MAP4: variants seen among roughly 807,000 people sequenced by gnomAD.
MAP4 encodes microtubule-associated protein 4.
Under a neutral mutation model 170.2 loss-of-function variants are expected in MAP4, and 76 were observed. The ratio of observed to expected loss-of-function variants is 0.45; its 90% confidence interval spans 0.37 to 0.54. The LOEUF (loss-of-function observed/expected upper bound fraction) is 0.54. Among genes scored for constraint, MAP4 ranks in the 20% least tolerant of loss-of-function variants. The pLI, the probability that MAP4 is intolerant of heterozygous loss-of-function variation, is 0.00. For synonymous variants in MAP4, 909 were observed against 994.5 expected, an observed-to-expected ratio of 0.91 and a Z score of 1.62; for missense variants, 2,506 against 2,748.0, an observed-to-expected ratio of 0.91 and a Z score of 1.97.
intron 4 of MAP4, among the ~76,000 whole-genome samples, chr3:47,924,816 A>ATT (rs11449304): frequency 0.01 from 1,523 of 148,632 alleles, 13 homozygotes; most frequent in Non-Finnish European, 0.014. Context: ...AAGCTACGAT[A>ATT]TTTTTTTTTT....
chr3:47,858,617 G>GCA (rs2060473692), intron 17 of MAP4, among the ~76,000 whole-genome samples: 2 of 133,268 alleles, frequency 1.5e-5, no homozygotes, highest in African/African-American at 6.5e-5. Context: ...GTGTGTGTGC[G>GCA]CGTTGTGTGT....
rs572901881 is a variant in MAP4 at position 47,947,815 on chromosome 3, A to G, written c.293-19465T>C. ...GACAGAGAGAGTCTCAAAAAAAAAAAAAAAGAAAAGAAAAAAGAAAAAAAG... is the reference window on the plus strand; with the variant it reads ...GACAGAGAGAGTCTCAAAAAAAAAAGAAAAGAAAAGAAAAAAGAAAAAAAG... On this transcript the variant is annotated intron_variant, in intron 3 of 20. Transcript: ENST00000683076. 1.8e-3 allele frequency among the ~76,000 whole-genome samples: 270 copies of G among 151,776 alleles called. 3 individuals are homozygous for G. The highest frequency in any genetic ancestry group is 6.1e-3 in the African/African-American group (253 of 41,480).
intron 8 of MAP4, among the ~76,000 whole-genome samples, chr3:47,914,527 G>T (rs748894226): frequency 1.3e-5 from 2 of 150,410 alleles, no homozygotes; most frequent in Non-Finnish European, 3.0e-5. Context: ...GCCAGCCTGG[G>T]CGACAGAGTG....
At chr3:47,887,507 T>C (rs2097796371) in intron 10 of MAP4, among the ~76,000 whole-genome samples, 1 of 152,198 alleles carries the variant, frequency 6.6e-6, no homozygotes, top group African/African-American at 2.4e-5. Flanking sequence ...TGGGCTCCTG[T>C]GCCGCCCGAG....
chr3:47,857,207 T>A (rs2058011654), intron 18 of MAP4, among the ~76,000 whole-genome samples: 1 of 152,224 alleles, frequency 6.6e-6, no homozygotes, highest in African/African-American at 2.4e-5. Context: ...CTCAAGAGAA[T>A]GCCTGTGCAG....
Position 47,854,720 on chromosome 3 carries a change from A to AGCCCTGCAGAGGGAGGCCCCAGGCAG in MAP4, c.6696+502_6696+527dup, listed in dbSNP as rs3836258. On this transcript the variant is annotated intron_variant, in intron 19 of 20. Transcript: ENST00000683076. ...CTCTGCCACTTGAGCTCTGTCCCAG[A>AGCCCTGCAGAGGGAGGCCCCAGGCAG]GCCCTGCAGAGGGAGGCCCCAGGCA... Among the ~76,000 whole-genome samples, 744 of 149,466 alleles carry AGCCCTGCAGAGGGAGGCCCCAGGCAG rather than the reference A, an allele frequency of 5.0e-3. 5 individuals carry two copies. The highest frequency in any genetic ancestry group is 0.015 in the African/African-American group (596 of 40,022).
At chr3:48,023,792 A>C (rs941787025) in intron 1 of MAP4, among the ~76,000 whole-genome samples, 1 of 152,232 alleles carries the variant, frequency 6.6e-6, no homozygotes, top group African/African-American at 2.4e-5. Context: ...ACAATATAAA[A>C]GACAAACTTA....
At chr3:48,033,623 G>A (rs762310117) in intron 1 of MAP4, among the ~76,000 whole-genome samples, 1 of 151,392 alleles carries the variant, frequency 6.6e-6, no homozygotes, top group South Asian at 2.1e-4. Flanking sequence ...TTTTTGAAAC[G>A]GGAGTCTCGC....
At chr3:48,085,318 G>C (rs1028902625) in intron 1 of MAP4, among the ~76,000 whole-genome samples, 2 of 151,996 alleles carry the variant, frequency 1.3e-5, no homozygotes, top group Non-Finnish European at 2.9e-5. Flanking sequence ...ATGAGATTAG[G>C]AAGAACAAGA....
At chr3:47,870,102 A>G (rs148497338) in intron 15 of MAP4, among the ~76,000 whole-genome samples, 8 of 151,394 alleles carry the variant, frequency 5.3e-5, no homozygotes, top group Middle Eastern at 3.4e-3. Context: ...ATGACCTAGG[A>G]GATGAGATGG....
At chr3:48,080,151 A>G (rs1260290262) in intron 1 of MAP4, among the ~76,000 whole-genome samples, 1 of 152,200 alleles carries the variant, frequency 6.6e-6, no homozygotes, top group African/African-American at 2.4e-5. Flanking sequence ...AGACAGAAAA[A>G]TTAGGACCAC....
chr3:47,867,417 A>G (rs894498794), intron 16 of MAP4, 79 bp from the exon 17 acceptor site: 3 of 864,640 alleles, frequency 3.5e-6, no homozygotes, highest in Non-Finnish European at 5.8e-6. Context: ...CAGTGAGTCC[A>G]CACGTGATCA....
intron 3 of MAP4, among the ~76,000 whole-genome samples, chr3:47,948,652 C>T (rs1393291798): frequency 1.3e-5 from 2 of 150,390 alleles, no homozygotes; most frequent in South Asian, 2.1e-4. Flanking sequence ...GACAGAGTCT[C>T]GCTCTGTTGC....
intron 3 of MAP4, among the ~76,000 whole-genome samples, chr3:47,939,046 G>A (rs2100054739): frequency 6.6e-6 from 1 of 152,188 alleles, no homozygotes; most frequent in Non-Finnish European, 1.5e-5. Context: ...CATGGCTCCT[G>A]CTAGAGCCTG....
intron 1 of MAP4, among the ~76,000 whole-genome samples, chr3:48,021,950 A>G (rs1270476687): frequency 6.6e-6 from 1 of 152,238 alleles, no homozygotes; most frequent in Non-Finnish European, 1.5e-5. Flanking sequence ...TCACCAAGAA[A>G]GAGGCCAATG....
At chr3:48,087,669 C>A (rs2100149817) in intron 1 of MAP4, among the ~76,000 whole-genome samples, 1 of 152,034 alleles carries the variant, frequency 6.6e-6, no homozygotes, top group Non-Finnish European at 1.5e-5. Context: ...GCCAAAAGCA[C>A]AGCAGCAGGG....
At chr3:47,943,048 G>A (rs2100057521) in intron 3 of MAP4, among the ~76,000 whole-genome samples, 1 of 152,048 alleles carries the variant, frequency 6.6e-6, no homozygotes, top group Admixed American at 6.6e-5. Context: ...AGGATTTCAA[G>A]ATTGCAGTGA....
At chr3:47,976,591 T>A (rs1218572791) in intron 3 of MAP4, among the ~76,000 whole-genome samples, 1 of 152,240 alleles carries the variant, frequency 6.6e-6, no homozygotes, top group African/African-American at 2.4e-5. Flanking sequence ...AAATGTTTTC[T>A]TAAAAACCAC....
At chr3:47,892,452 C>A in intron 10 of MAP4, 1 of 1,535,174 alleles carries the variant, frequency 6.5e-7, no homozygotes. Flanking sequence ...TGACCGTACG[C>A]GGCAGTGAGA....
Sources: allele counts gnomAD v4.1 joint callset (sites outside exome capture counted in the v4.1 genomes callset), GRCh38; gene constraint gnomAD v4.1.1; transcripts MANE v1.5; gene names NCBI Gene and HGNC (gene_info 2026-07-23, HGNC 2026-07-21).